CPAP: variants seen among roughly 807,000 people sequenced by gnomAD.
CPAP encodes the protein centrosomal P4.1-associated protein.
the CPAP span, among the ~76,000 whole-genome samples, chr13:24,920,337 T>C: frequency 2.6e-5 from 4 of 152,220 alleles, no homozygotes; most frequent in Non-Finnish European, 5.9e-5. Flanking sequence ...ACAGTGAACA[T>C]AATGATACTG....
the CPAP span, among the ~76,000 whole-genome samples, chr13:24,915,783 G>C: frequency 6.6e-6 from 1 of 151,840 alleles, no homozygotes; most frequent in Admixed American, 6.6e-5. Context: ...TGGGCAACAA[G>C]TGCAAGACTC....
At chr13:24,929,075 C>T in the CPAP span, among the ~76,000 whole-genome samples, 2 of 152,154 alleles carry the variant, frequency 1.3e-5, no homozygotes, top group Non-Finnish European at 2.9e-5. Flanking sequence ...TTTTATTACA[C>T]ATTTTTTTTA....
the CPAP span, among the ~76,000 whole-genome samples, chr13:24,931,951 C>T: frequency 5.5e-3 from 843 of 152,314 alleles, 8 homozygotes; most frequent in African/African-American, 0.019. Context: ...AGCCCTGAAC[C>T]CCCTCAGGCT....
the CPAP span, among the ~76,000 whole-genome samples, chr13:24,915,131 C>G: frequency 6.6e-6 from 1 of 152,216 alleles, no homozygotes; most frequent in East Asian, 1.9e-4. Context: ...TTCTGACTCT[C>G]ATATGACCAA....
chr13:24,914,718 G>A, the CPAP span, among the ~76,000 whole-genome samples: 3 of 152,292 alleles, frequency 2.0e-5, no homozygotes, highest in African/African-American at 7.2e-5. Flanking sequence ...CGAGGCTGCT[G>A]TAAGCCGTGA....
chr13:24,900,324 A>G, the CPAP span, among the ~76,000 whole-genome samples: 1 of 152,196 alleles, frequency 6.6e-6, no homozygotes. Context: ...GATGGGTAGC[A>G]GGAGAAGGTG....
the CPAP span, chr13:24,884,548 A>T: frequency 3.0e-6 from 4 of 1,327,138 alleles, no homozygotes; most frequent in East Asian, 9.2e-5. Context: ...CTACTTTGAA[A>T]TTTTTTGTAA....
At chr13:24,906,527 G>A in the CPAP span, 3 of 1,614,138 alleles carry the variant, frequency 1.9e-6, no homozygotes, top group Non-Finnish European at 2.5e-6. Context: ...TGGACACTCA[G>A]TTACATTTTC....
At chr13:24,915,074 CA>C in the CPAP span, among the ~76,000 whole-genome samples, 8 of 149,648 alleles carry the variant, frequency 5.3e-5, no homozygotes, top group Admixed American at 4.6e-4. Context: ...GACTCTCTCT[CA>C]AAAAATAATT....
chr13:24,902,787 A>C, the CPAP span, among the ~76,000 whole-genome samples: 1 of 152,212 alleles, frequency 6.6e-6, no homozygotes, highest in Non-Finnish European at 1.5e-5. Flanking sequence ...GGGGAGTGCT[A>C]AAGAACAAAG....
chr13:24,924,452 G>A, the CPAP span, among the ~76,000 whole-genome samples: 1 of 152,202 alleles, frequency 6.6e-6, no homozygotes, highest in Non-Finnish European at 1.5e-5. Context: ...TTAACTGGCT[G>A]TTAAATTAAG....
At chr13:24,885,398 A>G in the CPAP span, 7,464 of 1,575,374 alleles carry the variant, frequency 4.7e-3, 260 homozygotes, top group East Asian at 0.1. Context: ...TGTAAGCACA[A>G]CACATTTCAA....
the CPAP span, chr13:24,886,023 T>C: frequency 2.6e-6 from 1 of 377,672 alleles, no homozygotes; most frequent in South Asian, 2.2e-5. Flanking sequence ...TAACTGGGTA[T>C]TTAGTTAAAA....
the CPAP span, chr13:24,886,437 G>A: frequency 1.6e-5 from 17 of 1,060,172 alleles, no homozygotes; most frequent in Non-Finnish European, 1.9e-5. Flanking sequence ...TGATTTATAG[G>A]TCCCAAACTG....
chr13:24,886,371 G>GCGGCTGTGCTGTGCCTGTGAGA, the CPAP span: 7 of 1,289,060 alleles, frequency 5.4e-6, no homozygotes, highest in East Asian at 3.9e-4. Context: ...GGCGTGTGAG[G>GCGGCTGTGCTGTGCCTGTGAGA]CGGCTGTGCT....
At chr13:24,902,223 A>G in the CPAP span, among the ~76,000 whole-genome samples, 1 of 109,042 alleles carries the variant, frequency 9.2e-6, no homozygotes, top group African/African-American at 3.6e-5. Flanking sequence ...CAAAACCGAA[A>G]TAGGGAAAAT....
chr13:24,890,772 T>C, the CPAP span, among the ~76,000 whole-genome samples: 2 of 152,114 alleles, frequency 1.3e-5, no homozygotes, highest in African/African-American at 2.4e-5. Flanking sequence ...GCCTGGGCTA[T>C]GCCTGCACCT....
At chr13:24,885,518 C>A in the CPAP span, 1 of 1,219,282 alleles carries the variant, frequency 8.2e-7, no homozygotes, top group Non-Finnish European at 1.2e-6. Context: ...CTTTTTTACA[C>A]GTGGTTTAGA....
the CPAP span, chr13:24,922,722 G>C: frequency 6.6e-6 from 1 of 152,292 alleles, no homozygotes; most frequent in South Asian, 2.1e-4. Flanking sequence ...GCAGGGCGGC[G>C]GACAAAGAGC....
Sources: allele counts gnomAD v4.1 joint callset (sites outside exome capture counted in the v4.1 genomes callset), GRCh38; gene constraint gnomAD v4.1.1; transcripts MANE v1.5; gene names NCBI Gene and HGNC (gene_info 2026-07-23, HGNC 2026-07-21).